The following DGKB variants were observed in gnomAD, a reference collection of about 807,000 sequenced individuals.
The protein encoded by DGKB is diacylglycerol kinase beta.
In DGKB, 67 loss-of-function variants were observed where a neutral mutation model predicts 114.3. That is an observed-to-expected ratio of 0.59 (90% CI 0.48 to 0.72). The LOEUF (loss-of-function observed/expected upper bound fraction) is 0.72, where lower values mean the gene tolerates loss of function less well. DGKB is among the 30% of genes least tolerant of loss of function. The pLI is 0.00. For synonymous variants in DGKB, 398 were observed against 323.1 expected (o/e 1.23, Z -2.49); for missense variants, 907 against 975.2 (o/e 0.93, Z 0.93).
chr7:14,696,420 G>A lies in DGKB; in HGVS notation c.591+1675C>T, dbSNP rs555459377. On this transcript the variant is annotated intron_variant, in intron 8 of 25. Coordinates refer to ENST00000402815, the MANE Select transcript of DGKB (RefSeq NM_001350709.2). ...TGAGGCAGGAGAATGGAGTGAACCC[G>A]GGAGGCGGAGCTTGCAGTGAGCCGA... 8.8e-5 allele frequency among the ~76,000 whole-genome samples: 13 copies of A among 148,042 alleles called. No individual in the cohort carries two copies. The South Asian group carries it at 1.5e-3, about 17-fold the overall frequency.
chr7:14,697,728 G>A (rs1220395460), intron 8 of DGKB, among the ~76,000 whole-genome samples: 303 of 116,402 alleles, frequency 2.6e-3, no homozygotes, highest in African/African-American at 9.8e-3. Context: ...AAGGAAGGAA[G>A]GAAAGAAAGA....
At chr7:14,538,270 A>G (rs538832052) in intron 20 of DGKB, among the ~76,000 whole-genome samples, 1 of 152,172 alleles carries the variant, frequency 6.6e-6, no homozygotes, top group South Asian at 2.1e-4. Flanking sequence ...CAATAGCAAA[A>G]CAAAACAAAA....
intron 23 of DGKB, among the ~76,000 whole-genome samples, chr7:14,286,935 C>A (rs1263670790): frequency 6.6e-6 from 1 of 152,066 alleles, no homozygotes; most frequent in African/African-American, 2.4e-5. Context: ...ACTTACATTA[C>A]CTTTCCTATT....
At chr7:14,880,796 T>C (rs907901249) in intron 1 of DGKB, among the ~76,000 whole-genome samples, 4 of 152,214 alleles carry the variant, frequency 2.6e-5, no homozygotes, top group Non-Finnish European at 2.9e-5. Context: ...CCATTAAAAC[T>C]TAGTGTATAG....
At chr7:14,916,283 C>T (rs955267405) in intron 1 of DGKB, among the ~76,000 whole-genome samples, 10 of 91,830 alleles carry the variant, frequency 1.1e-4, no homozygotes, top group South Asian at 4.8e-4. Context: ...AAAGAGGGAA[C>T]GACTTTAAAA....
rs530468506 is a variant in DGKB at position 14,823,476 on chromosome 7, T to A, written c.70+17718A>T. On this transcript the variant is annotated intron_variant, in intron 2 of 25. Transcript: ENST00000402815. ...TCACTAAGACATAGAGAATTTCAGA[T>A]TTTTTTTGCTAATTTCTACTGAGAG... is the stretch of plus-strand genomic sequence containing the variant. Among the ~76,000 whole-genome samples the A allele has an allele frequency of 3.3e-5, 5 of 152,048 alleles. No individual in the cohort carries two copies. In the East Asian group the frequency reaches 9.7e-4, roughly 29 times the overall value.
intron 23 of DGKB, among the ~76,000 whole-genome samples, chr7:14,230,425 G>A (rs1243880914): frequency 6.6e-6 from 1 of 151,836 alleles, no homozygotes; most frequent in Non-Finnish European, 1.5e-5. Context: ...AATGGTGTAT[G>A]TTTTCAAAAG....
intron 22 of DGKB, among the ~76,000 whole-genome samples, chr7:14,342,920 A>G (rs999322206): frequency 6.6e-6 from 1 of 151,874 alleles, no homozygotes; most frequent in African/African-American, 2.4e-5. Context: ...ACATGTATCT[A>G]TTGCTGGAGG....
intron 13 of DGKB, among the ~76,000 whole-genome samples, chr7:14,639,098 T>C (rs1210279884): frequency 6.6e-6 from 1 of 151,890 alleles, no homozygotes; most frequent in Non-Finnish European, 1.5e-5. Context: ...AGCATTTCGA[T>C]CTAGATGTAT....
At chr7:14,404,775 C>T (rs1321838722) in intron 21 of DGKB, among the ~76,000 whole-genome samples, 1 of 151,768 alleles carries the variant, frequency 6.6e-6, no homozygotes, top group Non-Finnish European at 1.5e-5. Context: ...ACTGTGTCTT[C>T]TTGAATTGCT....
rs1783924084 is a variant in DGKB, at chr7:14,910,266, GAAA to G, written c.-188+64427_-188+64429del. ...AAAAAGAAAGAAAGAAAGAAAGAAA[GAAA>G]GAAAGAAAGAAAGAAAGAAAGAAAG... On this transcript the variant is annotated intron_variant, in intron 1 of 4. Transcript: ENST00000437998. 4.4e-5 allele frequency among the ~76,000 whole-genome samples: 4 copies of G among 91,792 alleles called. No homozygotes were observed. In the South Asian group the frequency reaches 1.1e-3, roughly 25 times the overall value. The allele number at this position is 91,792 out of a possible 152,430, so 60.2% of individuals were successfully genotyped here.
At chr7:14,530,636 C>G (rs56126623) in intron 20 of DGKB, among the ~76,000 whole-genome samples, 26,334 of 151,166 alleles carry the variant, frequency 0.17, 3,666 homozygotes, top group East Asian at 0.54. Context: ...ATAAAGCTAC[C>G]CATTATATCG....
At chr7:14,600,177 T>C (rs754281815) in intron 17 of DGKB, among the ~76,000 whole-genome samples, 18 of 152,148 alleles carry the variant, frequency 1.2e-4, no homozygotes, top group Admixed American at 8.5e-4. Flanking sequence ...ATGCTGTATC[T>C]TCACATGGCA....
chr7:14,408,590 C>A (rs1824333228), intron 21 of DGKB, among the ~76,000 whole-genome samples: 2 of 152,188 alleles, frequency 1.3e-5, no homozygotes, highest in East Asian at 1.9e-4. Flanking sequence ...GAACAATTGC[C>A]ATTTCTAAGT....
intron 21 of DGKB, among the ~76,000 whole-genome samples, chr7:14,388,632 T>C (rs954925793): frequency 3.9e-5 from 6 of 151,938 alleles, no homozygotes; most frequent in African/African-American, 1.4e-4. Context: ...AAATGATTGA[T>C]ATTATATCTT....
At chr7:14,573,909 T>C (rs1054446692) in intron 20 of DGKB, among the ~76,000 whole-genome samples, 1 of 152,152 alleles carries the variant, frequency 6.6e-6, no homozygotes. Context: ...CTTGTAAGTA[T>C]ATTAAATCAT....
At chr7:14,522,856 A>C (rs1365965922) in intron 20 of DGKB, among the ~76,000 whole-genome samples, 1 of 152,194 alleles carries the variant, frequency 6.6e-6, no homozygotes, top group African/African-American at 2.4e-5. Flanking sequence ...ATTTAAAAAT[A>C]ACAAAAGTTT....
chr7:14,710,329 C>T (rs985499272), intron 6 of DGKB, among the ~76,000 whole-genome samples: 6 of 151,986 alleles, frequency 3.9e-5, no homozygotes, highest in Non-Finnish European at 7.4e-5. Flanking sequence ...TGATGTCATA[C>T]AGAAATACAA....
intron 19 of DGKB, among the ~76,000 whole-genome samples, chr7:14,578,310 G>A (rs1200463318): frequency 6.6e-6 from 1 of 152,076 alleles, no homozygotes; most frequent in Admixed American, 6.6e-5. Context: ...AGCAGTGTGA[G>A]AACAAACTAA....
Sources: allele counts gnomAD v4.1 joint callset (sites outside exome capture counted in the v4.1 genomes callset), GRCh38; gene constraint gnomAD v4.1.1; transcripts MANE v1.5; gene names NCBI Gene and HGNC (gene_info 2026-07-23, HGNC 2026-07-21).